The following CNTNAP2 variants were observed in gnomAD, a reference collection of about 807,000 sequenced individuals.
CNTNAP2 encodes the protein contactin-associated protein-like 2.
CNTNAP2 carries 98 observed loss-of-function variants against 155.2 expected under a neutral mutation model. That is an observed-to-expected ratio of 0.63 (90% CI 0.54 to 0.75). The LOEUF is 0.75. Among genes scored for constraint, CNTNAP2 ranks in the 30% least tolerant of loss-of-function variants. CNTNAP2 has a pLI of 0.00. For missense variants in CNTNAP2, 1,727 were observed against 1,688.1 expected (o/e 1.02, Z -0.40); for synonymous variants, 651 against 631.2 (o/e 1.03, Z -0.47).
At chr7:146,601,001 T>C (rs2129151719) in intron 1 of CNTNAP2, among the ~76,000 whole-genome samples, 1 of 152,270 alleles carries the variant, frequency 6.6e-6, no homozygotes, top group South Asian at 2.1e-4. Context: ...AATTATACTC[T>C]CTAAGAAACT....
chr7:147,287,866 T>C (rs762312385), intron 8 of CNTNAP2, among the ~76,000 whole-genome samples: 2 of 152,078 alleles, frequency 1.3e-5, no homozygotes, highest in Non-Finnish European at 2.9e-5. Flanking sequence ...ACGTGAAAAA[T>C]CTGGCCACAT....
chr7:148,308,939 G>A (rs187435419), intron 21 of CNTNAP2, among the ~76,000 whole-genome samples: 96 of 152,278 alleles, frequency 6.3e-4, no homozygotes, highest in Admixed American at 1.9e-3. Flanking sequence ...GTGTTCCATG[G>A]TGTATATGTG....
intron 21 of CNTNAP2, chr7:148,381,384 AT>A (rs910788667): frequency 5.3e-5 from 8 of 152,176 alleles, no homozygotes; most frequent in African/African-American, 1.4e-4. Context: ...AATGTAGGGG[AT>A]TTTTATTGCC....
intron 15 of CNTNAP2, among the ~76,000 whole-genome samples, chr7:147,995,138 G>T (rs1801779843): frequency 6.6e-6 from 1 of 152,082 alleles, no homozygotes; most frequent in South Asian, 2.1e-4. Context: ...AGCACCCAAG[G>T]TTTTATTGGG....
chr7:147,020,042 G>A (rs1329720720), intron 3 of CNTNAP2, among the ~76,000 whole-genome samples: 1 of 152,008 alleles, frequency 6.6e-6, no homozygotes, highest in Non-Finnish European at 1.5e-5. Context: ...AATAGATATA[G>A]TATAGTATAG....
At chr7:148,001,859 G>C (rs1039621981) in intron 15 of CNTNAP2, among the ~76,000 whole-genome samples, 4 of 152,078 alleles carry the variant, frequency 2.6e-5, no homozygotes, top group African/African-American at 7.2e-5. Context: ...TGGTTTAGCT[G>C]TTAAATAAGC....
At chr7:147,301,882 C>T (rs1794952570) in intron 9 of CNTNAP2, among the ~76,000 whole-genome samples, 2 of 152,116 alleles carry the variant, frequency 1.3e-5, no homozygotes, top group South Asian at 4.1e-4. Flanking sequence ...TTGCAGCTAG[C>T]ACCTTAAGTT....
chr7:146,765,244 A>G (rs984159982), intron 1 of CNTNAP2, among the ~76,000 whole-genome samples: 1 of 152,210 alleles, frequency 6.6e-6, no homozygotes, highest in Non-Finnish European at 1.5e-5. Flanking sequence ...CAAACCCTCT[A>G]TATAATTCAG....
intron 1 of CNTNAP2, among the ~76,000 whole-genome samples, chr7:146,330,093 G>A (rs775134439): frequency 8.5e-4 from 116 of 136,148 alleles, no homozygotes; most frequent in Non-Finnish European, 1.5e-3. Flanking sequence ...CACAATCTTG[G>A]CTCACTGCAA....
chr7:147,565,537 C>T, intron 12 of CNTNAP2, among the ~76,000 whole-genome samples: 1 of 152,064 alleles, frequency 6.6e-6, no homozygotes, highest in East Asian at 1.9e-4. Context: ...TGCAAAAGTC[C>T]AATGAAGAGA....
chr7:147,851,212 C>T (rs1401960455), intron 13 of CNTNAP2, among the ~76,000 whole-genome samples: 1 of 151,976 alleles, frequency 6.6e-6, no homozygotes, highest in African/African-American at 2.4e-5. Context: ...CAAATCAAAA[C>T]CACAATGAGA....
chr7:146,235,718 T>C (rs529060568), intron 1 of CNTNAP2, among the ~76,000 whole-genome samples: 5 of 152,058 alleles, frequency 3.3e-5, no homozygotes. Flanking sequence ...TCTCAGCCCG[T>C]TGGAAGTCAG....
At chr7:147,354,770 A>G (rs549829132) in intron 9 of CNTNAP2, among the ~76,000 whole-genome samples, 1 of 152,146 alleles carries the variant, frequency 6.6e-6, no homozygotes, top group Non-Finnish European at 1.5e-5. Context: ...GTGCATGAGC[A>G]TGGACTGTTT....
chr7:146,753,503 A>G (rs1332077879), intron 1 of CNTNAP2, among the ~76,000 whole-genome samples: 1 of 152,078 alleles, frequency 6.6e-6, no homozygotes, highest in African/African-American at 2.4e-5. Context: ...TGAGTCAATA[A>G]GAAAAGAACT....
intron 10 of CNTNAP2, among the ~76,000 whole-genome samples, chr7:147,401,551 G>A (rs988030704): frequency 6.6e-6 from 1 of 152,094 alleles, no homozygotes; most frequent in Non-Finnish European, 1.5e-5. Flanking sequence ...TGACTCTGTT[G>A]GAAAGGCGAA....
chr7:147,266,011 A>G (rs916978918), intron 8 of CNTNAP2, among the ~76,000 whole-genome samples: 1 of 152,196 alleles, frequency 6.6e-6, no homozygotes, highest in Non-Finnish European at 1.5e-5. Flanking sequence ...GATCTGAACC[A>G]GACAAACTCA....
chr7:146,314,044 T>A, intron 1 of CNTNAP2, among the ~76,000 whole-genome samples: 1 of 152,186 alleles, frequency 6.6e-6, no homozygotes, highest in East Asian at 1.9e-4. Flanking sequence ...TTTGTATTTC[T>A]AGTGATATGG....
At chr7:146,417,671 T>G (rs933913399) in intron 1 of CNTNAP2, among the ~76,000 whole-genome samples, 1 of 152,152 alleles carries the variant, frequency 6.6e-6, no homozygotes, top group Admixed American at 6.6e-5. Flanking sequence ...GTGTTTTTGG[T>G]GTTGGCATAA....
chr7:147,274,172 A>T (rs989628533), intron 8 of CNTNAP2, among the ~76,000 whole-genome samples: 35 of 152,138 alleles, frequency 2.3e-4, no homozygotes, highest in African/African-American at 8.4e-4. Context: ...TTGGGTAGAT[A>T]CACAGTAGTG....
Sources: allele counts gnomAD v4.1 joint callset (sites outside exome capture counted in the v4.1 genomes callset), GRCh38; gene constraint gnomAD v4.1.1; transcripts MANE v1.5; gene names NCBI Gene and HGNC (gene_info 2026-07-23, HGNC 2026-07-21).